The following AGMO variants were observed in gnomAD, a reference collection of about 807,000 sequenced individuals.
AGMO encodes the protein alkylglycerol monooxygenase, also known as glyceryl-ether monooxygenase.
In AGMO, 75 loss-of-function variants were observed where a neutral mutation model predicts 60.2. That is an observed-to-expected ratio of 1.25 (90% CI 1.03 to 1.51). The LOEUF (loss-of-function observed/expected upper bound fraction) is 1.51, where lower values mean the gene tolerates loss of function less well. Among genes scored for constraint, AGMO ranks in the 40% most tolerant of loss-of-function variants. The probability of loss-of-function intolerance (pLI) is 0.00; values close to 1 mark genes in which losing one functional copy is unlikely to be tolerated. For missense variants in AGMO, 763 were observed against 525.5 expected, an observed-to-expected ratio of 1.45 and a Z score of -4.42; for synonymous variants, 261 against 177.1, an observed-to-expected ratio of 1.47 and a Z score of -3.76.
At chr7:15,459,317 T>G (rs543012463) in intron 3 of AGMO, among the ~76,000 whole-genome samples, 1 of 152,170 alleles carries the variant, frequency 6.6e-6, no homozygotes, top group African/African-American at 2.4e-5. Context: ...GGTTCGTTTA[T>G]GCAAAAACAG....
intron 2 of AGMO, among the ~76,000 whole-genome samples, chr7:15,547,170 T>G (rs1309384517): frequency 1.4e-5 from 2 of 140,750 alleles, no homozygotes; most frequent in Non-Finnish European, 3.3e-5. Flanking sequence ...AGCACCTAGA[T>G]TTAGGACCCT....
At chr7:15,226,627 C>A (rs955272101) in intron 12 of AGMO, among the ~76,000 whole-genome samples, 2 of 152,042 alleles carry the variant, frequency 1.3e-5, no homozygotes, top group African/African-American at 4.8e-5. Context: ...GAAATACTCT[C>A]TCTGCATAAG....
chr7:15,203,451 C>T (rs1166547745), intron 12 of AGMO, among the ~76,000 whole-genome samples: 8 of 151,882 alleles, frequency 5.3e-5, no homozygotes, highest in Admixed American at 4.6e-4. Flanking sequence ...AAATTCCTAC[C>T]GAAAATGCAG....
chr7:15,403,272 T>G (rs935079420), intron 5 of AGMO, among the ~76,000 whole-genome samples: 2 of 151,916 alleles, frequency 1.3e-5, no homozygotes, highest in African/African-American at 4.8e-5. Flanking sequence ...GTAGTGCAGA[T>G]TTGCAAATAC....
chr7:15,121,064 C>T, the AGMO span, among the ~76,000 whole-genome samples: 2 of 152,100 alleles, frequency 1.3e-5, no homozygotes, highest in African/African-American at 2.4e-5. Flanking sequence ...TAAGTGAGAA[C>T]ATGCAGTGTT....
chr7:15,455,327 T>C (rs1781973615), intron 3 of AGMO, among the ~76,000 whole-genome samples: 1 of 152,140 alleles, frequency 6.6e-6, no homozygotes, highest in Non-Finnish European at 1.5e-5. Context: ...GCTGCAGAAA[T>C]ATTCTCCTAT....
chr7:15,416,634 C>G (rs1780781022), intron 5 of AGMO, among the ~76,000 whole-genome samples: 1 of 152,078 alleles, frequency 6.6e-6, no homozygotes, highest in African/African-American at 2.4e-5. Flanking sequence ...ATGCAGGGCT[C>G]TTTGGCTAAC....
At chr7:15,237,099 C>G (rs1782445997) in intron 12 of AGMO, among the ~76,000 whole-genome samples, 1 of 151,988 alleles carries the variant, frequency 6.6e-6, no homozygotes, top group Non-Finnish European at 1.5e-5. Flanking sequence ...TGCTTTGTAA[C>G]TCTTGGAACT....
chr7:15,384,807 CTGTT>C (rs1448151478), intron 10 of AGMO, among the ~76,000 whole-genome samples: 1 of 111,836 alleles, frequency 8.9e-6, no homozygotes, highest in Admixed American at 9.7e-5. Flanking sequence ...TAAAAAATAC[CTGTT>C]TTTCTCTTTT....
chr7:15,344,967 T>C lies in AGMO; in HGVS notation c.1263+20547A>G, dbSNP rs566208648. ...AGAACAATTATCCTAAATCTTTCAG[T>C]TTTCTGGTTCTATGGCTCTATCCTT... On this transcript the variant is annotated intron_variant, in intron 12 of 12. Transcript: ENST00000342526. Among the ~76,000 whole-genome samples, 14 of 152,300 alleles carry C rather than the reference T, an allele frequency of 9.2e-5. No individual in the cohort carries two copies. The South Asian group carries it at 2.7e-3, about 29-fold the overall frequency.
At chr7:15,156,718 T>C in the AGMO span, among the ~76,000 whole-genome samples, 3 of 152,160 alleles carry the variant, frequency 2.0e-5, no homozygotes, top group Non-Finnish European at 4.4e-5. Context: ...TCCTCACCTT[T>C]CAGCTTGGGG....
intron 8 of AGMO, among the ~76,000 whole-genome samples, chr7:15,388,249 T>C (rs1235708165): frequency 3.9e-5 from 6 of 152,204 alleles, no homozygotes; most frequent in African/African-American, 1.4e-4. Flanking sequence ...CATTTATGCC[T>C]AGTGTTCCAT....
At chr7:15,370,686 G>A (rs1583468728) in intron 10 of AGMO, among the ~76,000 whole-genome samples, 5 of 152,116 alleles carry the variant, frequency 3.3e-5, no homozygotes, top group Admixed American at 3.3e-4. Context: ...TTGTATGTCT[G>A]CTTTTGAGAG....
At chr7:15,367,273 G>C (rs534776993) in intron 10 of AGMO, among the ~76,000 whole-genome samples, 6 of 151,618 alleles carry the variant, frequency 4.0e-5, no homozygotes, top group African/African-American at 1.4e-4. Flanking sequence ...ATTATCTTTT[G>C]AATCATTGTA....
At chr7:15,300,084 T>G (rs1375544732) in intron 12 of AGMO, among the ~76,000 whole-genome samples, 1 of 151,908 alleles carries the variant, frequency 6.6e-6, no homozygotes, top group East Asian at 1.9e-4. Context: ...AAAAATAGAA[T>G]TGGAAGTAAT....
chr7:15,234,636 A>T (rs4721420), intron 12 of AGMO, among the ~76,000 whole-genome samples: 28,037 of 152,124 alleles, frequency 0.18, 2,761 homozygotes, highest in South Asian at 0.32. Flanking sequence ...ACAGCTAGTA[A>T]ATATTTCAGG....
intron 12 of AGMO, among the ~76,000 whole-genome samples, chr7:15,269,053 T>A (rs758838215): frequency 6.6e-5 from 10 of 152,076 alleles, no homozygotes; most frequent in Non-Finnish European, 1.5e-4. Context: ...TAATAAAGAA[T>A]TTTTGGCATT....
chr7:15,457,411 G>T (rs1782026726), intron 3 of AGMO, among the ~76,000 whole-genome samples: 1 of 152,072 alleles, frequency 6.6e-6, no homozygotes, highest in Non-Finnish European at 1.5e-5. Flanking sequence ...CAATTTTTCT[G>T]CAAACTTCCT....
intron 12 of AGMO, among the ~76,000 whole-genome samples, chr7:15,282,787 C>T (rs1412529272): frequency 6.6e-6 from 1 of 152,126 alleles, no homozygotes; most frequent in African/African-American, 2.4e-5. Flanking sequence ...AGCATATACT[C>T]ATTGGGATTT....
Sources: gnomAD v4.1 joint callset for allele counts (sites outside exome capture counted in the v4.1 genomes callset) on GRCh38, gnomAD v4.1.1 for gene constraint, MANE v1.5 for transcripts, NCBI Gene and HGNC (gene_info 2026-07-23, HGNC 2026-07-21) for gene names.